Variants in MMP26 observed in about 807,000 individuals in gnomAD.
The protein encoded by MMP26 is matrix metalloproteinase-26.
A neutral mutation model predicts 31.0 loss-of-function variants in MMP26; 33 were observed. The ratio of observed to expected loss-of-function variants is 1.06; its 90% confidence interval spans 0.81 to 1.42. The LOEUF is 1.42. MMP26 is among the 40% of genes most tolerant of loss of function. The pLI, the probability that MMP26 is intolerant of heterozygous loss-of-function variation, is 0.00. For synonymous variants in MMP26, 122 were observed against 114.9 expected, an observed-to-expected ratio of 1.06 and a Z score of -0.40; for missense variants, 347 against 316.1, an observed-to-expected ratio of 1.10 and a Z score of -0.74.
intron 1 of MMP26, among the ~76,000 whole-genome samples, chr11:4,721,207 G>A (rs1730030662): frequency 1.3e-5 from 2 of 152,262 alleles, no homozygotes; most frequent in South Asian, 4.2e-4. Flanking sequence ...GGAGTAAGGT[G>A]CTTGTAACGC....
At chr11:4,770,373 A>C (rs1438709418) in intron 2 of MMP26, among the ~76,000 whole-genome samples, 2 of 152,254 alleles carry the variant, frequency 1.3e-5, no homozygotes, top group Admixed American at 1.3e-4. Context: ...ACAGATCTCC[A>C]GATATTTGCC....
chr11:4,705,110 T>C (rs781106201), intron 1 of MMP26, 65 bp downstream of exon 1: 1 of 152,172 alleles, frequency 6.6e-6, no homozygotes, highest in Non-Finnish European at 1.5e-5. Flanking sequence ...CTTCAGATAG[T>C]ATATGAAACA....
chr11:4,875,911 T>C (rs1850372899), intron 2 of MMP26: 1 of 152,164 alleles, frequency 6.6e-6, no homozygotes, highest in East Asian at 1.9e-4. Context: ...CAGATCCCTT[T>C]AGTACTCACA....
At chr11:4,844,355 C>T (rs1472282244) in intron 2 of MMP26, among the ~76,000 whole-genome samples, 1 of 152,032 alleles carries the variant, frequency 6.6e-6, no homozygotes, top group Admixed American at 6.6e-5. Flanking sequence ...TAATTAATAC[C>T]AATCCTACTC....
chr11:4,970,787 G>A (rs549413032), intron 2 of MMP26, among the ~76,000 whole-genome samples: 82 of 152,306 alleles, frequency 5.4e-4, no homozygotes, highest in African/African-American at 1.9e-3. Flanking sequence ...ATTGTCCTCA[G>A]GTCATCAGGC....
intron 1 of MMP26, among the ~76,000 whole-genome samples, chr11:4,725,617 A>G (rs560340950): frequency 1.3e-5 from 2 of 152,330 alleles, no homozygotes; most frequent in South Asian, 2.1e-4. Context: ...GGTTCTCATC[A>G]TAAGACTTGT....
intron 2 of MMP26, among the ~76,000 whole-genome samples, chr11:4,837,557 A>T (rs1849735497): frequency 6.6e-6 from 1 of 152,144 alleles, no homozygotes; most frequent in Non-Finnish European, 1.5e-5. Flanking sequence ...GATTATTTGA[A>T]TAGGCTATTC....
intron 1 of MMP26, among the ~76,000 whole-genome samples, chr11:4,733,405 T>A (rs1848199132): frequency 6.6e-6 from 1 of 152,230 alleles, no homozygotes; most frequent in Admixed American, 6.5e-5. Flanking sequence ...ATTGAATTTA[T>A]TTCTAACTAA....
At chr11:4,864,520 G>T (rs1213846490) in intron 2 of MMP26, among the ~76,000 whole-genome samples, 3 of 152,116 alleles carry the variant, frequency 2.0e-5, no homozygotes, top group South Asian at 2.1e-4. Flanking sequence ...ATGGCCGAAG[G>T]TTATTCATTT....
chr11:4,777,979 T>G (rs1594812), intron 2 of MMP26, among the ~76,000 whole-genome samples: 14,411 of 152,068 alleles, frequency 0.095, 851 homozygotes, highest in Middle Eastern at 0.15. Flanking sequence ...GAGAGTGGAA[T>G]TGTTGGATGA....
chr11:4,957,202 A>G (rs1443164129), intron 2 of MMP26, among the ~76,000 whole-genome samples: 4 of 152,228 alleles, frequency 2.6e-5, no homozygotes, highest in African/African-American at 9.6e-5. Flanking sequence ...AGATACACAC[A>G]TTTAAATATA....
At chr11:4,723,070 A>G (rs1848038110) in intron 1 of MMP26, 7 of 1,245,478 alleles carry the variant, frequency 5.6e-6, no homozygotes, top group Non-Finnish European at 5.9e-6. Flanking sequence ...CCTGGTACCC[A>G]TGCAGCTGTC....
chr11:4,876,978 A>T (rs939636290), intron 2 of MMP26: 1 of 153,880 alleles, frequency 6.5e-6, no homozygotes, highest in African/African-American at 2.4e-5. Context: ...TCTCACTCAC[A>T]GTGTCATCAG....
chr11:4,841,476 G>T (rs1319073701), intron 2 of MMP26, among the ~76,000 whole-genome samples: 1 of 152,242 alleles, frequency 6.6e-6, no homozygotes, highest in South Asian at 2.1e-4. Context: ...AAACTTACAG[G>T]CCAGGAGAGA....
intron 1 of MMP26, among the ~76,000 whole-genome samples, chr11:4,757,495 A>C (rs557018339): frequency 1.3e-5 from 2 of 152,156 alleles, no homozygotes; most frequent in South Asian, 4.1e-4. Context: ...AAACAAAAAA[A>C]AGTACAATTT....
chr11:4,723,722 G>A, intron 1 of MMP26: 6 of 1,136,664 alleles, frequency 5.3e-6, no homozygotes, highest in Non-Finnish European at 6.6e-6. Flanking sequence ...AGAGTGTCCA[G>A]TTGCCGCCTA....
intron 2 of MMP26, among the ~76,000 whole-genome samples, chr11:4,773,790 C>T (rs1411261698): frequency 6.6e-6 from 1 of 151,976 alleles, no homozygotes; most frequent in Non-Finnish European, 1.5e-5. Flanking sequence ...CCCTTTGCCC[C>T]CACCTCACCC....
At chr11:4,757,921 C>T (rs1848524281) in intron 1 of MMP26, among the ~76,000 whole-genome samples, 1 of 152,014 alleles carries the variant, frequency 6.6e-6, no homozygotes, top group South Asian at 2.1e-4. Flanking sequence ...AAAAATGATA[C>T]AGCCACTTTG....
chr11:4,728,676 CT>C (rs1848134715), intron 1 of MMP26, among the ~76,000 whole-genome samples: 1 of 152,074 alleles, frequency 6.6e-6, no homozygotes, highest in Non-Finnish European at 1.5e-5. Flanking sequence ...AAAATATTGC[CT>C]TTTGTCCCCT....
Sources: allele counts gnomAD v4.1 joint callset (sites outside exome capture counted in the v4.1 genomes callset), GRCh38; gene constraint gnomAD v4.1.1; transcripts MANE v1.5; gene names NCBI Gene and HGNC (gene_info 2026-07-23, HGNC 2026-07-21).